MAP2K1: variants seen among roughly 807,000 people sequenced by gnomAD.
MAP2K1 encodes the protein mitogen-activated protein kinase kinase 1, also known as dual specificity mitogen-activated protein kinase kinase 1.
MAP2K1 carries 16 observed loss-of-function variants against 46.3 expected under a neutral mutation model. The ratio of observed to expected loss-of-function variants is 0.35; its 90% CI spans 0.23 to 0.52. The LOEUF (loss-of-function observed/expected upper bound fraction) is 0.52, where lower values mean the gene tolerates loss of function less well. Ranked by LOEUF, MAP2K1 falls within the 20% of genes least tolerant of loss-of-function variation. MAP2K1 has a pLI of 0.94. For missense variants in MAP2K1, 263 were observed against 497.1 expected, an observed-to-expected ratio of 0.53 and a Z score of 4.48; for synonymous variants, 183 against 185.6, an observed-to-expected ratio of 0.99 and a Z score of 0.11.
rs113391230 is a variant in MAP2K1, at chr15:66,411,173, G to A, written c.80+23746G>A. Among the ~76,000 whole-genome samples the A allele has an allele frequency of 1.3e-3, 200 of 152,172 alleles. 2 individuals are homozygous for A. Among genetic ancestry groups the A allele is most frequent in the East Asian group, 6.8e-3 (35 of 5,182 alleles). On this transcript the variant is annotated intron_variant, in intron 1 of 10. Coordinates refer to ENST00000307102, the MANE Select transcript of MAP2K1 (RefSeq NM_002755.4). The stretch of plus-strand genomic sequence containing the variant: ...GACCCCAGATGGGACCAAGAAATGC[G>A]AATCCTGCCTGGATTGTTGTAGGTA...
intron 1 of MAP2K1, among the ~76,000 whole-genome samples, chr15:66,415,679 C>G (rs982774981): frequency 2.6e-5 from 4 of 152,224 alleles, no homozygotes; most frequent in African/African-American, 9.6e-5. Flanking sequence ...AGTTGCCAGA[C>G]TCTTGGTTCC....
intron 1 of MAP2K1, among the ~76,000 whole-genome samples, chr15:66,430,539 C>G (rs555849239): frequency 6.6e-6 from 1 of 152,218 alleles, no homozygotes; most frequent in South Asian, 2.1e-4. Context: ...CTTAGGCCAG[C>G]CTCTAAATTC....
At chr15:66,477,893 A>G (rs1892795287) in intron 5 of MAP2K1, among the ~76,000 whole-genome samples, 1 of 151,976 alleles carries the variant, frequency 6.6e-6, no homozygotes, top group Admixed American at 6.6e-5. Context: ...TCATTTTCCA[A>G]ATCCTGAACA....
chr15:66,388,485 G>C (rs1235962423), intron 1 of MAP2K1, among the ~76,000 whole-genome samples: 3 of 152,118 alleles, frequency 2.0e-5, no homozygotes, highest in Non-Finnish European at 4.4e-5. Context: ...GAATAGGCTT[G>C]GACCTTATGC....
chr15:66,410,575 C>T (rs897230325), intron 1 of MAP2K1, among the ~76,000 whole-genome samples: 6 of 152,166 alleles, frequency 3.9e-5, no homozygotes, highest in Admixed American at 2.6e-4. Flanking sequence ...ATCCAGACTG[C>T]TGAAGGCTTA....
intron 1 of MAP2K1, among the ~76,000 whole-genome samples, chr15:66,416,945 A>T (rs2093425999): frequency 6.6e-6 from 1 of 152,052 alleles, no homozygotes; most frequent in Non-Finnish European, 1.5e-5. Context: ...TTTATTTTGC[A>T]ACGTAATTCA....
At chr15:66,476,317 G>A (rs138651819) in intron 5 of MAP2K1, among the ~76,000 whole-genome samples, 310 of 152,324 alleles carry the variant, frequency 2.0e-3, no homozygotes, top group Non-Finnish European at 3.1e-3. Flanking sequence ...CCCAGAGGTG[G>A]CCTCAGGAAG....
chr15:66,485,599 G>A (rs187489756), intron 7 of MAP2K1, among the ~76,000 whole-genome samples: 22 of 151,784 alleles, frequency 1.4e-4, no homozygotes, highest in Admixed American at 1.0e-3. Context: ...GGGTTGGGAG[G>A]GAAGGGGCTC....
intron 6 of MAP2K1, among the ~76,000 whole-genome samples, chr15:66,484,391 G>A (rs531873900): frequency 2.6e-5 from 4 of 151,532 alleles, no homozygotes; most frequent in South Asian, 2.1e-4. Flanking sequence ...CATGTGATCC[G>A]CCTGCCTCAG....
intron 5 of MAP2K1, among the ~76,000 whole-genome samples, chr15:66,464,790 A>G (rs1004233698): frequency 6.6e-6 from 1 of 151,788 alleles, no homozygotes; most frequent in African/African-American, 2.4e-5. Flanking sequence ...GGCCTCCCAA[A>G]GTGCTGGGAT....
chr15:66,435,305 G>A, intron 2 of MAP2K1, 68 bp downstream of exon 2: 4 of 1,302,614 alleles, frequency 3.1e-6, no homozygotes, highest in Middle Eastern at 1.8e-4. Context: ...GGGGACCAGG[G>A]TAGAAGGAAG....
intron 5 of MAP2K1, among the ~76,000 whole-genome samples, chr15:66,461,320 A>G (rs913343071): frequency 6.6e-6 from 1 of 151,854 alleles, no homozygotes; most frequent in Non-Finnish European, 1.5e-5. Flanking sequence ...CGAAACCCCA[A>G]CTGAAAATAC....
intron 5 of MAP2K1, among the ~76,000 whole-genome samples, chr15:66,469,907 G>C (rs1424453670): frequency 6.6e-6 from 1 of 151,122 alleles, no homozygotes; most frequent in African/African-American, 2.4e-5. Flanking sequence ...ATGAAAAAAA[G>C]AAGGCAGAAC....
In MAP2K1 at chr15:66,443,385, A is replaced by G. The variant is rs184208600; in HGVS notation, c.516+28A>G. On this transcript the variant is annotated intron_variant, in intron 4 of 10. Transcript: ENST00000307102. ...GAGTATGTTATGAAGTTTTTCTTCT[A>G]AGTTCCTCATTGATAAGTTAATGAG... 163 of 1,367,776 alleles carry G rather than the reference A, an allele frequency of 1.2e-4. No individual in the cohort carries two copies. The African/African-American group carries it at 1.9e-3, about 16-fold the overall frequency. 84.7% of individuals were successfully genotyped at this position (1,367,776 alleles called of 1,614,324 possible).
intron 5 of MAP2K1, among the ~76,000 whole-genome samples, chr15:66,475,042 G>C (rs1892724874): frequency 6.6e-6 from 1 of 152,098 alleles, no homozygotes; most frequent in Non-Finnish European, 1.5e-5. Flanking sequence ...CTGCATCCTG[G>C]CTTTTTTTTC....
chr15:66,398,939 A>C (rs557453176), intron 1 of MAP2K1, among the ~76,000 whole-genome samples: 7 of 152,018 alleles, frequency 4.6e-5, no homozygotes, highest in East Asian at 1.9e-4. Flanking sequence ...TGCCCAGCTA[A>C]TTTTTGTATT....
chr15:66,419,996 G>T (rs1468804139), intron 1 of MAP2K1, among the ~76,000 whole-genome samples: 2 of 152,088 alleles, frequency 1.3e-5, no homozygotes, highest in Non-Finnish European at 2.9e-5. Context: ...TGTAGTCCCA[G>T]CACTTTGGGA....
intron 1 of MAP2K1, among the ~76,000 whole-genome samples, chr15:66,428,014 CA>C (rs1330808500): frequency 6.6e-6 from 1 of 151,476 alleles, no homozygotes; most frequent in Non-Finnish European, 1.5e-5. Context: ...ACTCTGTCTC[CA>C]AAAAAAAGAA....
At chr15:66,426,236 T>C (rs2093458327) in intron 1 of MAP2K1, among the ~76,000 whole-genome samples, 1 of 150,658 alleles carries the variant, frequency 6.6e-6, no homozygotes, top group Non-Finnish European at 1.5e-5. Flanking sequence ...CCCAGTAATC[T>C]TAAAATAGGA....
Sources: gnomAD v4.1 joint callset for allele counts (sites outside exome capture counted in the v4.1 genomes callset) on GRCh38, gnomAD v4.1.1 for gene constraint, MANE v1.5 for transcripts, NCBI Gene and HGNC (gene_info 2026-07-23, HGNC 2026-07-21) for gene names.